B4GALNT3: variants seen among roughly 807,000 people sequenced by gnomAD.
B4GALNT3 encodes beta-1,4-N-acetyl-galactosaminyltransferase 3.
B4GALNT3 carries 86 observed loss-of-function variants against 120.2 expected under a neutral mutation model. That is an observed-to-expected ratio of 0.72 (90% CI 0.60 to 0.86). The LOEUF (loss-of-function observed/expected upper bound fraction) is 0.86, where lower values mean the gene tolerates loss of function less well. B4GALNT3 is among the 40% of genes least tolerant of loss of function. B4GALNT3 has a pLI of 0.00. For missense variants in B4GALNT3, 1,167 were observed against 1,298.9 expected, an observed-to-expected ratio of 0.90 and a Z score of 1.56; for synonymous variants, 518 against 510.4, an observed-to-expected ratio of 1.01 and a Z score of -0.20.
Position 544,764 on chromosome 12 carries a change from A to C in B4GALNT3, c.448-118A>C, listed in dbSNP as rs577667898. 13 of 1,012,082 alleles carry C rather than the reference A, an allele frequency of 1.3e-5. No homozygotes were observed. The African/African-American group carries it at 2.1e-4, about 16-fold the overall frequency. 62.7% of individuals were successfully genotyped at this position (1,012,082 alleles called of 1,614,324 possible). A position where few individuals can be genotyped will look rare whatever the true frequency, so the allele number is the denominator to read the frequency against. On this transcript the variant is annotated intron_variant, in intron 4 of 19. Coordinates refer to ENST00000266383, the MANE Select transcript of B4GALNT3 (RefSeq NM_173593.4). ...GAAATTGAGCCTGCACTCCACTCAC[A>C]AAGCCACAGCCCTGGTCCCTCCTGT...
intron 1 of B4GALNT3, among the ~76,000 whole-genome samples, chr12:493,125 A>G (rs1461794062): frequency 1.3e-5 from 2 of 152,236 alleles, no homozygotes; most frequent in African/African-American, 4.8e-5. Flanking sequence ...TGTTCTGCAA[A>G]AGACAATGTC....
chr12:547,988 G>A, intron 7 of B4GALNT3, 36 bp from the exon 8 acceptor site: 2 of 1,592,088 alleles, frequency 1.3e-6, no homozygotes, highest in Non-Finnish European at 1.7e-6. Flanking sequence ...GGCCCATGGA[G>A]ATGGCGCTCT....
intron 1 of B4GALNT3, among the ~76,000 whole-genome samples, chr12:525,084 A>AATTTTATTTATTT (rs1946747813): frequency 1.0e-5 from 1 of 97,482 alleles, no homozygotes; most frequent in South Asian, 3.8e-4. Context: ...TAAATAACAC[A>AATTTTATTTATTT]ATTTTATTTA....
chr12:545,343 A>T, intron 5 of B4GALNT3, 26 bp from the exon 6 acceptor site: 1 of 1,596,470 alleles, frequency 6.3e-7, no homozygotes, highest in African/African-American at 1.3e-5. Flanking sequence ...CCTTGCCCTC[A>T]TCTGGAAACT....
At chr12:506,802 A>G (rs1211965770) in intron 1 of B4GALNT3, among the ~76,000 whole-genome samples, 1 of 152,058 alleles carries the variant, frequency 6.6e-6, no homozygotes, top group African/African-American at 2.4e-5. Flanking sequence ...ACGCCCGGCT[A>G]ATTTTTTGTA....
intron 1 of B4GALNT3, among the ~76,000 whole-genome samples, chr12:527,371 G>C (rs1946766893): frequency 6.6e-6 from 1 of 152,238 alleles, no homozygotes; most frequent in Non-Finnish European, 1.5e-5. Context: ...GGGGCACCCA[G>C]TGGGGCAGTA....
At chr12:464,375 A>G (rs1424124201) in intron 1 of B4GALNT3, among the ~76,000 whole-genome samples, 2 of 152,154 alleles carry the variant, frequency 1.3e-5, no homozygotes, top group Non-Finnish European at 2.9e-5. Flanking sequence ...CACACCTGTA[A>G]TCCCAGCACT....
chr12:501,152 G>C (rs1946439807), intron 1 of B4GALNT3, among the ~76,000 whole-genome samples: 2 of 152,078 alleles, frequency 1.3e-5, no homozygotes, highest in African/African-American at 4.8e-5. Flanking sequence ...TGGGATTATA[G>C]GCGTGAGCCA....
In B4GALNT3 at chr12:549,453, G is replaced by A. The variant is rs150031818; in HGVS notation, c.854-316G>A. On this transcript the variant is annotated intron_variant, in intron 9 of 19. Transcript: ENST00000266383. ...GCTTATTATTAAGTGCTCTGTAAGC[G>A]TTCAATAAATTAGGCGTACTTAATG... Among the ~76,000 whole-genome samples, 8 of 152,358 alleles carry A rather than the reference G, an allele frequency of 5.3e-5. No homozygotes were observed. In the South Asian group the frequency reaches 6.2e-4, roughly 12 times the overall value.
intron 1 of B4GALNT3, among the ~76,000 whole-genome samples, chr12:519,099 G>A (rs535986892): frequency 6.8e-4 from 103 of 152,340 alleles, no homozygotes; most frequent in African/African-American, 2.4e-3. Flanking sequence ...TGCAGTCTTT[G>A]TGAGAAGCCT....
chr12:556,034 T>C (rs11612546), intron 14 of B4GALNT3, among the ~76,000 whole-genome samples: 20,986 of 151,494 alleles, frequency 0.14, 1,854 homozygotes, highest in Admixed American at 0.29. Flanking sequence ...CCACCTGCCT[T>C]GGCCTCCCAA....
At chr12:482,453 A>C (rs1461866709) in intron 1 of B4GALNT3, among the ~76,000 whole-genome samples, 2 of 152,194 alleles carry the variant, frequency 1.3e-5, no homozygotes, top group East Asian at 3.8e-4. Context: ...CAAGGTTAAA[A>C]AGCTAGTAAG....
chr12:548,561 A>C lies in B4GALNT3; in HGVS notation c.853+264A>C, dbSNP rs1947036418. Among the ~76,000 whole-genome samples, 1 of 152,076 alleles carries C rather than the reference A, an allele frequency of 6.6e-6. No homozygotes were observed. Among genetic ancestry groups the C allele is most frequent in the Non-Finnish European group, 1.5e-5 (1 of 68,024 alleles). ...TGCCCTTGTCTACCCACCCACACAC[A>C]ACATTTTGAATACAACTTCAAGGGA... is the stretch of plus-strand genomic sequence containing the variant. On this transcript the variant is annotated intron_variant, in intron 9 of 19. Coordinates refer to ENST00000266383, the MANE Select transcript of B4GALNT3 (RefSeq NM_173593.4). The surrounding 1 kb of genome is among the most constrained non-coding windows in gnomAD (Gnocchi z 4.9).
intron 3 of B4GALNT3, among the ~76,000 whole-genome samples, chr12:539,914 A>AAAT (rs1279787025): frequency 2.6e-5 from 4 of 152,192 alleles, no homozygotes; most frequent in African/African-American, 9.7e-5. Flanking sequence ...CTGACCTTAA[A>AAAT]AATAAAATAA....
At chr12:474,320 G>C (rs888781218) in intron 1 of B4GALNT3, among the ~76,000 whole-genome samples, 7 of 152,196 alleles carry the variant, frequency 4.6e-5, no homozygotes, top group Non-Finnish European at 1.0e-4. Flanking sequence ...TTGAAAGCCA[G>C]ACTGGAACTA....
At chr12:536,351 A>T in intron 3 of B4GALNT3, 56 bp downstream of exon 3, 1 of 1,438,954 alleles carries the variant, frequency 6.9e-7, no homozygotes, top group Admixed American at 1.7e-5. Flanking sequence ...TAATGTTTAC[A>T]GATAATTCCA....
rs924046177 is a variant in B4GALNT3 at position 559,545 on chromosome 12, A to G, written c.2888+124A>G. ...AGAGTCCCAAAGCACAGTAAAGAGCACTGGACTCGGAGGACGCCCTCAAAT... is the reference window on the plus strand; with the variant it reads ...AGAGTCCCAAAGCACAGTAAAGAGCGCTGGACTCGGAGGACGCCCTCAAAT... On this transcript the variant is annotated intron_variant, in intron 19 of 19. Transcript: ENST00000266383. 4.3e-6 allele frequency: 6 copies of G among 1,394,608 alleles called. No homozygotes were observed. The African/African-American group carries it at 7.2e-5, about 17-fold the overall frequency. 86.4% of individuals were successfully genotyped at this position (1,394,608 alleles called of 1,614,324 possible).
At chr12:552,274 C>T in intron 12 of B4GALNT3, 111 bp downstream of exon 12, 4 of 962,042 alleles carry the variant, frequency 4.2e-6, no homozygotes, top group South Asian at 2.8e-5. Flanking sequence ...AGTCTTTGCT[C>T]TTGCTCTTCC....
At chr12:549,631 A>T (rs569371813) in intron 9 of B4GALNT3, 138 bp from the exon 10 acceptor site, 2 of 1,090,932 alleles carry the variant, frequency 1.8e-6, no homozygotes, top group South Asian at 1.5e-5. Flanking sequence ...GGCCAGAGGG[A>T]GTGTGGCTGC....
Sources: allele counts gnomAD v4.1 joint callset (sites outside exome capture counted in the v4.1 genomes callset), GRCh38; gene constraint gnomAD v4.1.1; non-coding constraint Gnocchi (gnomAD v3.1); transcripts MANE v1.5; gene names NCBI Gene and HGNC (gene_info 2026-07-23, HGNC 2026-07-21).